The following CEP63 variants were observed in gnomAD, a reference collection of about 807,000 sequenced individuals.
CEP63 encodes centrosomal protein of 63 kDa.
Under a neutral mutation model 89.1 loss-of-function variants are expected in CEP63, and 84 were observed. The observed-to-expected ratio is 0.94, with a 90% confidence interval of 0.79 to 1.13. The LOEUF (loss-of-function observed/expected upper bound fraction) is 1.13. Among genes scored for constraint, CEP63 ranks in the 50% most tolerant of loss-of-function variants. The pLI is 0.00. For missense variants in CEP63, 838 were observed against 813.3 expected, an observed-to-expected ratio of 1.03 and a Z score of -0.37; for synonymous variants, 267 against 272.5, an observed-to-expected ratio of 0.98 and a Z score of 0.20.
chr3:134,626,992 C>A, the CEP63 span, among the ~76,000 whole-genome samples: 2 of 152,220 alleles, frequency 1.3e-5, no homozygotes, highest in African/African-American at 4.8e-5. Context: ...GATTTCCACT[C>A]AGTATAGCTC....
In CEP63 at chr3:134,491,550, A is replaced by G. The variant is rs148722075; in HGVS notation, c.-25-3746A>G. ...TAAAAGTTTGTTTTTATGTACTCCT[A>G]TTTCTCAGACTTTCTCATTGTTCTT... On this transcript the variant is annotated intron_variant, in intron 1 of 14. Coordinates refer to ENST00000675561, the MANE Select transcript of CEP63 (RefSeq NM_001353108.3). Among the ~76,000 whole-genome samples the G allele has an allele frequency of 9.9e-4, 151 of 152,256 alleles. 1 individual carries two copies. Among genetic ancestry groups the G allele is most frequent in the African/African-American group, 3.4e-3 (142 of 41,550 alleles).
At chr3:134,489,053 G>T (rs1936723755) in intron 1 of CEP63, among the ~76,000 whole-genome samples, 1 of 151,488 alleles carries the variant, frequency 6.6e-6, no homozygotes, top group Non-Finnish European at 1.5e-5. Context: ...TACTAAGGAA[G>T]CTGAGGCAGG....
intron 3 of CEP63, among the ~76,000 whole-genome samples, chr3:134,518,181 G>A (rs1946637909): frequency 1.3e-5 from 2 of 152,050 alleles, no homozygotes; most frequent in Non-Finnish European, 2.9e-5. Flanking sequence ...AGAATCAAGG[G>A]AAAAATTAAG....
chr3:134,581,083 G>C (rs1025599283), intron 10 of CEP63, among the ~76,000 whole-genome samples: 1 of 147,836 alleles, frequency 6.8e-6, no homozygotes, highest in Non-Finnish European at 1.5e-5. Context: ...AATGCAGGCA[G>C]CCTCTAGAAG....
chr3:134,650,794 G>A, the CEP63 span: 1 of 1,537,952 alleles, frequency 6.5e-7, no homozygotes, highest in East Asian at 2.4e-5. Flanking sequence ...GGTGCCGGGG[G>A]ACCCGGGGAC....
At chr3:134,546,445 A>C (rs1053339438) in intron 8 of CEP63, among the ~76,000 whole-genome samples, 157 bp downstream of exon 8, 1 of 152,090 alleles carries the variant, frequency 6.6e-6, no homozygotes, top group South Asian at 2.1e-4. Flanking sequence ...TGCAACCTCA[A>C]CCTCCGAGGT....
the CEP63 span, among the ~76,000 whole-genome samples, chr3:134,599,026 C>A: frequency 6.6e-6 from 1 of 152,242 alleles, no homozygotes; most frequent in Non-Finnish European, 1.5e-5. Flanking sequence ...GCTCCAGGGG[C>A]AGGCTCTTAA....
At chr3:134,671,832 A>G in the CEP63 span, among the ~76,000 whole-genome samples, 5 of 152,160 alleles carry the variant, frequency 3.3e-5, no homozygotes, top group Admixed American at 2.6e-4. Context: ...CTTTTGGGAC[A>G]TTTTAGTTGG....
At chr3:134,681,756 T>C in the CEP63 span, among the ~76,000 whole-genome samples, 1 of 152,370 alleles carries the variant, frequency 6.6e-6, no homozygotes, top group East Asian at 1.9e-4. Context: ...ACAAAACAGA[T>C]GTTGCCATTT....
At chr3:134,746,744 A>C in the CEP63 span, among the ~76,000 whole-genome samples, 1 of 152,214 alleles carries the variant, frequency 6.6e-6, no homozygotes, top group East Asian at 1.9e-4. Flanking sequence ...GTATCTGTTC[A>C]TATCCTTTAC....
chr3:134,609,429 C>T, the CEP63 span, among the ~76,000 whole-genome samples: 5 of 152,106 alleles, frequency 3.3e-5, no homozygotes, highest in African/African-American at 4.8e-5. Flanking sequence ...TGTGAGTACG[C>T]GAGCCCTGCG....
chr3:134,651,134 C>T, the CEP63 span: 11 of 1,477,812 alleles, frequency 7.4e-6, no homozygotes, highest in South Asian at 6.7e-5. Flanking sequence ...GCCAAACACG[C>T]CATTAGGGCC....
At chr3:134,688,661 A>T in the CEP63 span, among the ~76,000 whole-genome samples, 1 of 152,210 alleles carries the variant, frequency 6.6e-6, no homozygotes, top group Non-Finnish European at 1.5e-5. Context: ...AACTGAGATA[A>T]TCTGGGTGCT....
the CEP63 span, among the ~76,000 whole-genome samples, chr3:134,741,992 G>A: frequency 2.6e-5 from 4 of 151,518 alleles, no homozygotes; most frequent in Non-Finnish European, 4.4e-5. Flanking sequence ...AGACCAGTGT[G>A]TGTGTGTGTG....
At chr3:134,545,557 A>T (rs1383770348) in intron 6 of CEP63, 29 bp from the exon 7 acceptor site, 6 of 1,438,392 alleles carry the variant, frequency 4.2e-6, no homozygotes, top group Non-Finnish European at 2.9e-6. Flanking sequence ...TTTCCCTTTT[A>T]CCTATTGATT....
chr3:134,602,417 C>G, the CEP63 span, among the ~76,000 whole-genome samples: 1 of 152,138 alleles, frequency 6.6e-6, no homozygotes, highest in Admixed American at 6.5e-5. Context: ...AGGGGGCTGT[C>G]TTCTCAGAGA....
the CEP63 span, among the ~76,000 whole-genome samples, chr3:134,717,059 G>C: frequency 6.6e-6 from 1 of 152,182 alleles, no homozygotes; most frequent in African/African-American, 2.4e-5. Context: ...GCTTAGACTA[G>C]GTCTGGCCTA....
At chr3:134,765,789 C>T in the CEP63 span, among the ~76,000 whole-genome samples, 3 of 152,100 alleles carry the variant, frequency 2.0e-5, no homozygotes, top group Admixed American at 1.3e-4. Context: ...CTTTGGCCAG[C>T]AGCATCAGCA....
chr3:134,651,136 A>T, the CEP63 span: 1 of 1,476,178 alleles, frequency 6.8e-7, no homozygotes, highest in Non-Finnish European at 9.0e-7. Context: ...CAAACACGCC[A>T]TTAGGGCCCG....
Sources: gnomAD v4.1 joint callset for allele counts (sites outside exome capture counted in the v4.1 genomes callset) on GRCh38, gnomAD v4.1.1 for gene constraint, MANE v1.5 for transcripts, NCBI Gene and HGNC (gene_info 2026-07-23, HGNC 2026-07-21) for gene names.